TTBK2: variants seen among roughly 807,000 people sequenced by gnomAD.
TTBK2 encodes the protein tau tubulin kinase 2, also known as tau-tubulin kinase 2.
In TTBK2, 28 loss-of-function variants were observed where a neutral mutation model predicts 110.8. The ratio of observed to expected loss-of-function variants is 0.25; its 90% CI spans 0.19 to 0.35. The LOEUF (loss-of-function observed/expected upper bound fraction) is 0.35. Among genes scored for constraint, TTBK2 ranks in the 10% least tolerant of loss-of-function variants. TTBK2 has a pLI of 1.00. For missense variants in TTBK2, 1,369 were observed against 1,500.3 expected, an observed-to-expected ratio of 0.91 and a Z score of 1.45; for synonymous variants, 532 against 527.3, an observed-to-expected ratio of 1.01 and a Z score of -0.12.
intron 13 of TTBK2, among the ~76,000 whole-genome samples, chr15:42,763,159 T>C (rs1164039533): frequency 2.1e-3 from 17 of 7,992 alleles, no homozygotes; most frequent in Admixed American, 5.0e-3. Context: ...TATATATACA[T>C]ATATATATAT....
At chr15:42,874,030 C>T (rs1043547620) in intron 2 of TTBK2, among the ~76,000 whole-genome samples, 6 of 152,188 alleles carry the variant, frequency 3.9e-5, no homozygotes, top group Non-Finnish European at 8.8e-5. Flanking sequence ...AATCACTTTA[C>T]CAGGCCATAC....
chr15:42,817,671 T>A (rs1273811529), intron 6 of TTBK2, among the ~76,000 whole-genome samples: 1 of 152,212 alleles, frequency 6.6e-6, no homozygotes, highest in Admixed American at 6.5e-5. Flanking sequence ...AAATACATGA[T>A]CCTAGTCCTC....
intron 10 of TTBK2, among the ~76,000 whole-genome samples, chr15:42,789,670 G>A (rs1196698590): frequency 1.3e-5 from 2 of 152,126 alleles, no homozygotes; most frequent in Non-Finnish European, 1.5e-5. Flanking sequence ...GGAGGCGGAG[G>A]TTGCAGTGAG....
chr15:42,916,170 T>C (rs2141222516), intron 1 of TTBK2, among the ~76,000 whole-genome samples: 1 of 152,256 alleles, frequency 6.6e-6, no homozygotes, highest in East Asian at 1.9e-4. Flanking sequence ...AGAAATGAAG[T>C]CCTAATCTAG....
chr15:42,801,407 T>C, intron 9 of TTBK2: 1 of 1,155,320 alleles, frequency 8.7e-7, no homozygotes, highest in Non-Finnish European at 1.3e-6. Flanking sequence ...GCTCGGTATC[T>C]GCGTGGCAGC....
At chr15:42,844,698 A>T (rs1424511721) in intron 3 of TTBK2, among the ~76,000 whole-genome samples, 1 of 152,232 alleles carries the variant, frequency 6.6e-6, no homozygotes, top group Non-Finnish European at 1.5e-5. Flanking sequence ...CAAATACAGA[A>T]ATAGAGGCCT....
intron 10 of TTBK2, among the ~76,000 whole-genome samples, chr15:42,784,252 T>C (rs34302400): frequency 0.21 from 31,544 of 152,100 alleles, 3,398 homozygotes; most frequent in Admixed American, 0.28. Flanking sequence ...TCTATTTTCA[T>C]AGAAGTCTCT....
intron 6 of TTBK2, among the ~76,000 whole-genome samples, chr15:42,825,965 A>T (rs1892516817): frequency 6.6e-6 from 1 of 152,070 alleles, no homozygotes; most frequent in Non-Finnish European, 1.5e-5. Flanking sequence ...GAGGCCAGTG[A>T]TGTTTTGTTA....
intron 10 of TTBK2, among the ~76,000 whole-genome samples, chr15:42,792,419 T>C (rs2140857237): frequency 6.6e-6 from 1 of 152,294 alleles, no homozygotes; most frequent in South Asian, 2.1e-4. Flanking sequence ...TCTTTTTTCC[T>C]CCGTCACTCC....
In TTBK2 at chr15:42,741,366, T is replaced by A. The variant is rs138032012; in HGVS notation, c.*4429A>T. 1.3e-5 allele frequency: 2 copies of A among 152,368 alleles called. No homozygotes were observed. Among genetic ancestry groups the A allele is most frequent in the East Asian group, 3.9e-4 (2 of 5,190 alleles). 9.4% of individuals were successfully genotyped at this position (152,368 alleles called of 1,614,324 possible). A position where few individuals can be genotyped will look rare whatever the true frequency, so the allele number is the denominator to read the frequency against. On this transcript the variant is annotated 3_prime_UTR_variant, in exon 15 of 15. Transcript: ENST00000267890. ...GTGGTTTCTGAACTTGGGTATACGC[T>A]GATACATAAGGACTACCATAGAAGT... is the stretch of plus-strand genomic sequence containing the variant.
chr15:42,811,395 C>A (rs1379489214), intron 8 of TTBK2, among the ~76,000 whole-genome samples: 1 of 152,058 alleles, frequency 6.6e-6, no homozygotes, highest in African/African-American at 2.4e-5. Context: ...AAACTAAAAG[C>A]TTACTTGACT....
Position 42,740,736 on chromosome 15 carries a change from C to A in TTBK2, c.*5059G>T, listed in dbSNP as rs557899383. On this transcript the variant is annotated 3_prime_UTR_variant, in exon 15 of 15. Coordinates refer to ENST00000267890, the MANE Select transcript of TTBK2 (RefSeq NM_173500.4). Reference sequence around the variant, plus strand: ...ATGCCCAGCTAATTTTTTGTATTTTCAGTAGAGACGGGGTTTCACCCTGTT... The same window carrying A: ...ATGCCCAGCTAATTTTTTGTATTTTAAGTAGAGACGGGGTTTCACCCTGTT... The A allele has an allele frequency of 6.6e-6, 1 of 151,900 alleles. No homozygotes were observed. Among genetic ancestry groups the A allele is most frequent in the East Asian group, 1.9e-4 (1 of 5,170 alleles). 9.4% of individuals were successfully genotyped at this position (151,900 alleles called of 1,614,324 possible).
chr15:42,787,541 T>C (rs1489531909), intron 10 of TTBK2, among the ~76,000 whole-genome samples: 1 of 152,200 alleles, frequency 6.6e-6, no homozygotes, highest in Admixed American at 6.5e-5. Flanking sequence ...AGAAACACAG[T>C]GCTGACATAG....
At chr15:42,893,276 T>C (rs1421441854) in intron 1 of TTBK2, among the ~76,000 whole-genome samples, 3 of 151,622 alleles carry the variant, frequency 2.0e-5, no homozygotes, top group Non-Finnish European at 4.4e-5. Context: ...GCAGGAGGAC[T>C]TGAGGCCAGG....
intron 1 of TTBK2, chr15:42,919,737 T>A: frequency 2.1e-6 from 2 of 959,866 alleles, no homozygotes; most frequent in Non-Finnish European, 2.5e-6. Context: ...CAAAGCAAAG[T>A]ACAACTCAAT....
In TTBK2 at chr15:42,913,554, C is replaced by T. The variant is rs1260509267; in HGVS notation, c.-68+6884G>A. Among the ~76,000 whole-genome samples the T allele has an allele frequency of 2.6e-5, 4 of 151,830 alleles. No individual in the cohort carries two copies. The East Asian group carries it at 7.8e-4, about 30-fold the overall frequency. ...TCAGGAGGCTGAGGCAGGAGAATGGCGTGAACCCGGGAGGCAGAGCTTGCA... is the reference window on the plus strand; with the variant it reads ...TCAGGAGGCTGAGGCAGGAGAATGGTGTGAACCCGGGAGGCAGAGCTTGCA... On this transcript the variant is annotated intron_variant, in intron 1 of 14. Coordinates refer to ENST00000267890, the MANE Select transcript of TTBK2 (RefSeq NM_173500.4).
intron 7 of TTBK2, among the ~76,000 whole-genome samples, chr15:42,816,085 A>AATATAT (rs71431870): frequency 0.02 from 1,327 of 67,362 alleles, 11 homozygotes; most frequent in Non-Finnish European, 0.022. Context: ...TAAATAAATA[A>AATATAT]ATATATATAT....
intron 3 of TTBK2, among the ~76,000 whole-genome samples, chr15:42,845,636 A>C (rs866738863): frequency 7.2e-6 from 1 of 138,612 alleles, no homozygotes; most frequent in Middle Eastern, 3.6e-3. Context: ...TGCATCTCAA[A>C]AAAAAAAAAA....
At chr15:42,760,713 T>C (rs1171098321) in intron 13 of TTBK2, among the ~76,000 whole-genome samples, 1 of 152,190 alleles carries the variant, frequency 6.6e-6, no homozygotes, top group Non-Finnish European at 1.5e-5. Context: ...TATCTCATGC[T>C]CTTGTATTGG....
Sources: allele counts gnomAD v4.1 joint callset (sites outside exome capture counted in the v4.1 genomes callset), GRCh38; gene constraint gnomAD v4.1.1; transcripts MANE v1.5; gene names NCBI Gene and HGNC (gene_info 2026-07-23, HGNC 2026-07-21).